PPIP5K2: variants seen among roughly 807,000 people sequenced by gnomAD.
PPIP5K2 encodes the protein inositol hexakisphosphate and diphosphoinositol-pentakisphosphate kinase 2.
PPIP5K2 carries 105 observed loss-of-function variants against 154.6 expected under a neutral mutation model. The ratio of observed to expected loss-of-function variants is 0.68; its 90% CI spans 0.58 to 0.80. The LOEUF (loss-of-function observed/expected upper bound fraction) is 0.80. Among genes scored for constraint, PPIP5K2 ranks in the 30% least tolerant of loss-of-function variants. The probability of loss-of-function intolerance (pLI) is 0.00; values close to 1 mark genes in which losing one functional copy is unlikely to be tolerated. For synonymous variants in PPIP5K2, 480 were observed against 490.3 expected (o/e 0.98, Z 0.28); for missense variants, 992 against 1,504.6 (o/e 0.66, Z 5.64).
At chr5:103,149,648 G>T (rs2149554770) in intron 8 of PPIP5K2, among the ~76,000 whole-genome samples, 1 of 151,028 alleles carries the variant, frequency 6.6e-6, no homozygotes, top group Non-Finnish European at 1.5e-5. Context: ...TTTTTTTGTT[G>T]AATGAAAACA....
chr5:103,133,974 A>G (rs111443738), intron 3 of PPIP5K2, among the ~76,000 whole-genome samples: 3,062 of 152,222 alleles, frequency 0.02, 100 homozygotes, highest in African/African-American at 0.07. Flanking sequence ...ATACCATAAC[A>G]TATTTAAATT....
intron 1 of PPIP5K2, 54 bp downstream of exon 1, chr5:103,120,542 G>C (rs1788482914): frequency 4.4e-6 from 2 of 456,452 alleles, no homozygotes; most frequent in African/African-American, 2.0e-5. Context: ...ATCATGCCAG[G>C]GTTGAGGCGG....
Position 103,211,362 on chromosome 5 carries a change from T to C in PPIP5K2, c.*9728T>C, listed in dbSNP as rs1411492457. 3 of 152,074 alleles carry C rather than the reference T, an allele frequency of 2.0e-5. No individual in the cohort carries two copies. Among genetic ancestry groups the C allele is most frequent in the African/African-American group, 7.2e-5 (3 of 41,444 alleles). 9.4% of individuals were successfully genotyped at this position (152,074 alleles called of 1,614,324 possible). A position where few individuals can be genotyped will look rare whatever the true frequency, so the allele number is the denominator to read the frequency against. ...TGTCCCTAGAAAACTAGAGTGATCA[T>C]AGGGATCAGATGACATGTTACTGGG... On this transcript the variant is annotated 3_prime_UTR_variant, in exon 31 of 31. Coordinates refer to ENST00000358359, the MANE Select transcript of PPIP5K2 (RefSeq NM_001276277.3).
Position 103,211,773 on chromosome 5 carries a change from AGG to A in PPIP5K2, c.*10141_*10142del. The A allele has an allele frequency of 6.6e-6, 1 of 151,760 alleles. No individual in the cohort carries two copies. The highest frequency in any genetic ancestry group is 1.5e-5 in the Non-Finnish European group (1 of 67,972). 9.4% of individuals were successfully genotyped at this position (151,760 alleles called of 1,614,324 possible). A position where few individuals can be genotyped will look rare whatever the true frequency, so the allele number is the denominator to read the frequency against. ...TACAAATATGAAAAGTCCTGTTTCC[AGG>A]GAATTTACTTTCTAATGAGGAACCA... On this transcript the variant is annotated 3_prime_UTR_variant, in exon 31 of 31. Coordinates refer to ENST00000358359, the MANE Select transcript of PPIP5K2 (RefSeq NM_001276277.3).
At position 103,136,796 on chromosome 5, in the gene PPIP5K2, G is replaced by T. The variant is rs1325060966; in HGVS notation, c.375G>T (p.Leu125Phe). The T allele has an allele frequency of 6.2e-7, 1 of 1,613,404 alleles. No individual in the cohort carries two copies. Among genetic ancestry groups the T allele is most frequent in the African/African-American group, 1.3e-5 (1 of 74,876 alleles). The part of the protein sequence containing the change: ...KLRNPFVIND[L>F]NMQYLIQDRR... ...GGAATCCATTTGTAATCAATGACTTGAATATGCAGTATCTCATACAAGATA... is the reference window on the plus strand; with the variant it reads ...GGAATCCATTTGTAATCAATGACTTTAATATGCAGTATCTCATACAAGATA... The change falls in exon 4 of 31, where the codon TTG becomes TTT. Residue 125 changes from leucine (L) to phenylalanine (F), a missense_variant. Physicochemically the swap from Leu to Phe is conservative, Grantham distance 22. Around this residue, in one of 9 missense-constraint regions of PPIP5K2, gnomAD observed 153 missense variants for 200.4 expected, o/e 0.76. Transcript: ENST00000358359.
At chr5:103,182,757 A>G (rs1360281448) in intron 24 of PPIP5K2, among the ~76,000 whole-genome samples, 2 of 152,148 alleles carry the variant, frequency 1.3e-5, no homozygotes, top group African/African-American at 2.4e-5. Flanking sequence ...TTTCTAAGTT[A>G]TGTATATTGA....
At chr5:103,182,054 A>G (rs1395467282) in intron 24 of PPIP5K2, among the ~76,000 whole-genome samples, 2 of 152,154 alleles carry the variant, frequency 1.3e-5, no homozygotes, top group African/African-American at 4.8e-5. Flanking sequence ...GATTATGTTC[A>G]GGTATCCTTA....
chr5:103,183,727 G>GACTTC (rs1799933653), intron 25 of PPIP5K2, among the ~76,000 whole-genome samples: 3 of 151,824 alleles, frequency 2.0e-5, no homozygotes, highest in Non-Finnish European at 4.4e-5. Flanking sequence ...TTTTTGACTT[G>GACTTC]TCTTTTAAAA....
rs1802372301 is a variant in PPIP5K2, at chr5:103,197,948, C to T, written c.3619+2923C>T. Among the ~76,000 whole-genome samples the T allele has an allele frequency of 2.6e-5, 4 of 151,764 alleles. No individual in the cohort carries two copies. The South Asian group carries it at 8.3e-4, about 32-fold the overall frequency. On this transcript the variant is annotated intron_variant, in intron 30 of 30. Coordinates refer to ENST00000358359, the MANE Select transcript of PPIP5K2 (RefSeq NM_001276277.3). Reference sequence around the variant, plus strand: ...TTATTTTAAAAATTATTTTCTACATCCTACTTACTTTGGGTTTACTTTTAT... The same window carrying T: ...TTATTTTAAAAATTATTTTCTACATTCTACTTACTTTGGGTTTACTTTTAT...
intron 23 of PPIP5K2, among the ~76,000 whole-genome samples, chr5:103,178,544 C>T (rs1799050293): frequency 6.6e-6 from 1 of 151,286 alleles, no homozygotes; most frequent in African/African-American, 2.4e-5. Flanking sequence ...CTTTGTTGTT[C>T]TTAAAGATTA....
intron 28 of PPIP5K2, 90 bp downstream of exon 28, chr5:103,187,466 A>G: frequency 2.9e-6 from 3 of 1,021,642 alleles, no homozygotes; most frequent in South Asian, 1.6e-5. Flanking sequence ...ATACAGTATC[A>G]TTCATTTCTT....
At chr5:103,159,964 T>G (rs1554215082) in intron 17 of PPIP5K2, among the ~76,000 whole-genome samples, 1 of 152,186 alleles carries the variant, frequency 6.6e-6, no homozygotes, top group Non-Finnish European at 1.5e-5. Context: ...ATCATTTTAC[T>G]CTGCTTCTCT....
intron 28 of PPIP5K2, among the ~76,000 whole-genome samples, chr5:103,187,679 A>C (rs1482814996): frequency 6.6e-6 from 1 of 152,146 alleles, no homozygotes; most frequent in Admixed American, 6.6e-5. Flanking sequence ...AGTCTACACA[A>C]ATTTTTAAAT....
In PPIP5K2 at chr5:103,120,504, C is replaced by T; in HGVS notation, c.-285+16C>T. ...TTCGTGGCAGGTGAGGGCCCAAAAC[C>T]GGAGGAGAACCGGAGATGCGGAACC... On this transcript the variant is annotated intron_variant, in intron 1 of 30. Coordinates refer to ENST00000358359, the MANE Select transcript of PPIP5K2 (RefSeq NM_001276277.3). The T allele has an allele frequency of 2.2e-6, 1 of 456,644 alleles. No homozygotes were observed. The highest frequency in any genetic ancestry group is 4.4e-6 in the Non-Finnish European group (1 of 226,960). The allele number at this position is 456,644 out of a possible 1,614,324, so 28.3% of individuals were successfully genotyped here.
chr5:103,149,839 GGCAC>G (rs1562413238), intron 8 of PPIP5K2, among the ~76,000 whole-genome samples: 2 of 151,844 alleles, frequency 1.3e-5, no homozygotes, highest in Admixed American at 1.3e-4. Flanking sequence ...TGGGATTACA[GGCAC>G]CCACCACCAT....
intron 13 of PPIP5K2, 22 bp downstream of exon 13, chr5:103,154,965 T>A: frequency 7.0e-7 from 1 of 1,424,908 alleles, no homozygotes. Context: ...TTTGAAACGC[T>A]TAATTGTGGT....
At chr5:103,167,987 A>G (rs1797395144) in intron 18 of PPIP5K2, 85 bp from the exon 19 acceptor site, 2 of 864,820 alleles carry the variant, frequency 2.3e-6, no homozygotes, top group Admixed American at 5.8e-5. Context: ...TGACACTTTA[A>G]AAAGTTTCTA....
At chr5:103,146,717 T>A in intron 6 of PPIP5K2, 36 bp downstream of exon 6, 1 of 1,538,602 alleles carries the variant, frequency 6.5e-7, no homozygotes, top group East Asian at 2.3e-5. Flanking sequence ...AATACTCTTC[T>A]TTGTACATTG....
chr5:103,191,331 A>T (rs912657518), intron 29 of PPIP5K2, among the ~76,000 whole-genome samples: 1 of 152,060 alleles, frequency 6.6e-6, no homozygotes, highest in Non-Finnish European at 1.5e-5. Flanking sequence ...TTAAAACTGC[A>T]AAATATCAGT....
Sources: gnomAD v4.1 joint callset for allele counts (sites outside exome capture counted in the v4.1 genomes callset) on GRCh38, gnomAD v4.1.1 for gene constraint, gnomAD v4.1.1 regional missense constraint, MANE v1.5 for transcripts, NCBI Gene and HGNC (gene_info 2026-07-23, HGNC 2026-07-21) for gene names.